AKAP8: variants seen among roughly 807,000 people sequenced by gnomAD.
AKAP8 encodes A-kinase anchoring protein 8, also known as A-kinase anchor protein 8.
In AKAP8, 24 loss-of-function variants were observed where a neutral mutation model predicts 67.5. The observed-to-expected ratio is 0.36, with a 90% confidence interval of 0.26 to 0.50. The LOEUF is 0.50. AKAP8 is among the 20% of genes least tolerant of loss of function. The pLI, the probability that AKAP8 is intolerant of heterozygous loss-of-function variation, is 0.97. For synonymous variants in AKAP8, 400 were observed against 371.1 expected (o/e 1.08, Z -0.90); for missense variants, 971 against 955.9 (o/e 1.02, Z -0.21).
In AKAP8 at chr19:15,374,040, G is replaced by A. The variant is rs139511255; in HGVS notation, c.117C>T (p.Gly39=). 1,662 of 1,575,492 alleles carry A rather than the reference G, an allele frequency of 1.1e-3. 2 individuals are homozygous for A. Among genetic ancestry groups the A allele is most frequent in the Non-Finnish European group, 9.6e-4 (1,118 of 1,164,932 alleles). Residue 39 remains glycine, a synonymous_variant, in exon 4 of 14, where the codon GGC becomes GGT. Coordinates refer to ENST00000269701, the MANE Select transcript of AKAP8 (RefSeq NM_005858.4). ...CTGTGGTGACACTGGTGTTCTGGGC[G>A]CCATAGTAATTGTAGTTTTCATAAC... ...WQGYENYNYY[G]AQNTSVTTGA...
chr19:15,373,085 G>A lies in AKAP8; in HGVS notation c.627C>T (p.Pro209=), dbSNP rs1463186776. ...CAGAGGACGCAGCGGGGGGCACGAA[G>A]GGGTCGCTGCGCATGAAGGTGCCAG... is the stretch of plus-strand genomic sequence containing the variant. ...SNPGTFMRSD[P]FVPPAASSEP... is the part of the protein sequence containing the mutation. The change falls in exon 5 of 14, where the codon CCC becomes CCT. Residue 209 remains proline (P), a synonymous_variant. Transcript: ENST00000269701. 1.4e-5 allele frequency: 23 copies of A among 1,611,332 alleles called. No individual in the cohort carries two copies. The Admixed American group carries it at 3.8e-4, about 27-fold the overall frequency.
chr19:15,371,254 A>G (rs1205515270), intron 7 of AKAP8, among the ~76,000 whole-genome samples: 1 of 152,054 alleles, frequency 6.6e-6, no homozygotes, highest in Non-Finnish European at 1.5e-5. Flanking sequence ...CCTCCCCAAG[A>G]GCTTGGGGTG....
rs779284132 is a variant in AKAP8 at position 15,372,936 on chromosome 19, A to T, written c.776T>A (p.Met259Lys). The T allele has an allele frequency of 6.5e-7, 1 of 1,535,090 alleles. No homozygotes were observed. The stretch of plus-strand genomic sequence containing the variant: ...ATAGCCGCCCGCCCCCTGCATGCCC[A>T]TCACGCCGTAGTCGGGAGCCATGGA... ...SQSMAPDYGVMGMQGAGGYDS... is the reference protein window; with the variant it reads ...SQSMAPDYGVKGMQGAGGYDS... The change falls in exon 5 of 14, where the codon ATG becomes AAG. Residue 259 changes from methionine to lysine, a missense_variant. Around this residue, in one of 3 missense-constraint regions of AKAP8, gnomAD observed 763 missense variants for 745.4 expected, o/e 1.02. Transcript: ENST00000269701.
In AKAP8 at chr19:15,376,955, CGCAAA is replaced by C; in HGVS notation, c.58+16_58+20del. 1 of 1,609,314 alleles carries C rather than the reference CGCAAA, an allele frequency of 6.2e-7. No homozygotes were observed. Among genetic ancestry groups the C allele is most frequent in the Non-Finnish European group, 8.5e-7 (1 of 1,178,056 alleles). ...AGTTAGGGGAAGCCCACGCCTCACCCGCAAAGCAGAGCCCACTTACCCTGGGTGTT... is the reference window on the plus strand; with the variant it reads ...AGTTAGGGGAAGCCCACGCCTCACCCGCAGAGCCCACTTACCCTGGGTGTT... On this transcript the variant is annotated intron_variant, in intron 2 of 13. Transcript: ENST00000269701.
In AKAP8 at chr19:15,368,238, T is replaced by G. The variant is rs1286906975; in HGVS notation, c.1157A>C (p.Asp386Ala). The change falls in exon 9 of 14, where the codon GAC becomes GCC. Residue 386 changes from aspartate to alanine, a missense_variant. Asp to Ala is a moderately radical substitution (Grantham distance 126, BLOSUM62 -2). This residue lies in a region of AKAP8 where 763 missense variants were observed against 745.4 expected (regional missense o/e 1.02). Transcript: ENST00000269701. ...RRDRTRDRAA[D>A]RIQFACSVCK... The stretch of plus-strand genomic sequence containing the variant: ...GGGTCGTGTGCCCGCGCCTCACCTG[T>G]CGGCTGCACGGTCCCGCGTCCTGTC... 1.2e-6 allele frequency: 2 copies of G among 1,611,974 alleles called. No homozygotes were observed. Among genetic ancestry groups the G allele is most frequent in the Non-Finnish European group, 1.7e-6 (2 of 1,179,890 alleles).
At chr19:15,367,568 A>T (rs1252603490) in intron 9 of AKAP8, among the ~76,000 whole-genome samples, 1 of 152,170 alleles carries the variant, frequency 6.6e-6, no homozygotes, top group African/African-American at 2.4e-5. Context: ...TCCCATGTGA[A>T]CCTTAAGGTC....
intron 7 of AKAP8, among the ~76,000 whole-genome samples, chr19:15,371,184 G>T (rs1300641017): frequency 6.6e-6 from 1 of 152,130 alleles, no homozygotes; most frequent in Non-Finnish European, 1.5e-5. Flanking sequence ...TTCCCACTCT[G>T]GACCTCCAGG....
intron 13 of AKAP8, among the ~76,000 whole-genome samples, chr19:15,355,625 G>T (rs34534721): frequency 6.6e-6 from 1 of 151,262 alleles, no homozygotes; most frequent in South Asian, 2.1e-4. Context: ...GTGCGATCTC[G>T]GCTCACTGCA....
chr19:15,370,297 G>A lies in AKAP8; in HGVS notation c.1039-118C>T. On this transcript the variant is annotated intron_variant, in intron 7 of 13. Transcript: ENST00000269701. Reference sequence around the variant, plus strand: ...TCTCACCCAAGACCTAGGTTGCTATGCCACCAAGAATGAGCCACAGTGTGT... The same window carrying A: ...TCTCACCCAAGACCTAGGTTGCTATACCACCAAGAATGAGCCACAGTGTGT... 2.5e-6 allele frequency: 3 copies of A among 1,184,214 alleles called. No individual in the cohort carries two copies. The South Asian group carries it at 3.8e-5, about 15-fold the overall frequency. The allele number at this position is 1,184,214 out of a possible 1,614,324, so 73.4% of individuals were successfully genotyped here.
intron 13 of AKAP8, among the ~76,000 whole-genome samples, chr19:15,357,380 G>T (rs1417862351): frequency 1.4e-5 from 2 of 143,526 alleles, no homozygotes; most frequent in Non-Finnish European, 3.0e-5. Flanking sequence ...AGTGAGCCGG[G>T]ATCGCACCAC....
Position 15,361,076 on chromosome 19 carries a change from G to C in AKAP8, c.1397-98C>G, listed in dbSNP as rs901556035. ...CACGTTTTCTCCCTGCAACTCTAAG[G>C]AATCAGAAGGGCACAGCCTGCCTTT... On this transcript the variant is annotated intron_variant, in intron 11 of 13. Coordinates refer to ENST00000269701, the MANE Select transcript of AKAP8 (RefSeq NM_005858.4). 3.6e-5 allele frequency: 52 copies of C among 1,459,944 alleles called. No individual in the cohort carries two copies. In the Middle Eastern group the frequency reaches 1.6e-3, roughly 45 times the overall value. 90.4% of individuals were successfully genotyped at this position (1,459,944 alleles called of 1,614,324 possible). A position where few individuals can be genotyped will look rare whatever the true frequency, so the allele number is the denominator to read the frequency against.
intron 13 of AKAP8, among the ~76,000 whole-genome samples, chr19:15,355,624 C>T (rs1208783772): frequency 2.0e-5 from 3 of 151,714 alleles, no homozygotes; most frequent in Admixed American, 1.3e-4. Context: ...GGTGCGATCT[C>T]GGCTCACTGC....
At chr19:15,371,661 G>T (rs1361327755) in intron 7 of AKAP8, among the ~76,000 whole-genome samples, 2 of 151,932 alleles carry the variant, frequency 1.3e-5, no homozygotes, top group Non-Finnish European at 2.9e-5. Context: ...GCTAATTTTT[G>T]TATTTTTAAT....
chr19:15,373,712 G>A (rs967704562), intron 4 of AKAP8, 74 bp downstream of exon 4: 2 of 1,497,346 alleles, frequency 1.3e-6, no homozygotes, highest in East Asian at 2.3e-5. Flanking sequence ...TCCCTCAAGA[G>A]TGGGTGCCCA....
intron 9 of AKAP8, among the ~76,000 whole-genome samples, chr19:15,363,501 G>A (rs1357589532): frequency 1.7e-4 from 24 of 139,360 alleles, no homozygotes; most frequent in Admixed American, 3.5e-4. Flanking sequence ...TCAGCCCCCC[G>A]CCCGGCCAGC....
intron 2 of AKAP8, among the ~76,000 whole-genome samples, chr19:15,375,197 C>T (rs1267222682): frequency 1.3e-5 from 2 of 152,162 alleles, no homozygotes; most frequent in Admixed American, 6.5e-5. Flanking sequence ...TGCCCTAAAA[C>T]ACGGGCTGGC....
At chr19:15,355,407 G>A (rs1178082467) in intron 13 of AKAP8, 37 bp from the exon 14 acceptor site, 1 of 1,571,822 alleles carries the variant, frequency 6.4e-7, no homozygotes, top group East Asian at 2.2e-5. Context: ...CGTGGTGTAA[G>A]CAGAGCTCAG....
rs753780178 is a variant in AKAP8 at position 15,368,314 on chromosome 19, CCTT to C, written c.1078_1080del (p.Lys360del). 10 of 1,613,736 alleles carry C rather than the reference CCTT, an allele frequency of 6.2e-6. No homozygotes were observed. Among genetic ancestry groups the C allele is most frequent in the Admixed American group, 1.7e-5 (1 of 60,030 alleles). ...TTCTTCACATCCTCGTCCTCGTCCT[CCTT>C]CTCTCCTGTAACAGACAAGTCCCTT... On this transcript the variant is annotated inframe_deletion, in exon 9 of 14. Coordinates refer to ENST00000269701, the MANE Select transcript of AKAP8 (RefSeq NM_005858.4).
chr19:15,372,155 A>C, intron 6 of AKAP8, 63 bp downstream of exon 6: 1 of 1,608,708 alleles, frequency 6.2e-7, no homozygotes, highest in East Asian at 2.2e-5. Flanking sequence ...GGGCAAGCAG[A>C]GCCCCCAGCA....
Sources: gnomAD v4.1 joint callset for allele counts (sites outside exome capture counted in the v4.1 genomes callset) on GRCh38, gnomAD v4.1.1 for gene constraint, gnomAD v4.1.1 regional missense constraint, MANE v1.5 for transcripts, NCBI Gene and HGNC (gene_info 2026-07-23, HGNC 2026-07-21) for gene names.